CSMD1: variants seen among roughly 807,000 people sequenced by gnomAD.
CSMD1 encodes CUB and Sushi multiple domains 1.
Under a neutral mutation model 417.5 loss-of-function variants are expected in CSMD1, and 213 were observed. The observed-to-expected ratio is 0.51, with a 90% confidence interval of 0.46 to 0.57. The LOEUF is 0.57. Ranked by LOEUF, CSMD1 falls within the 20% of genes least tolerant of loss-of-function variation. CSMD1 has a pLI of 0.00. For missense variants in CSMD1, 6,923 were observed against 4,529.7 expected (o/e 1.53, Z -15.17); for synonymous variants, 2,862 against 1,736.8 (o/e 1.65, Z -16.11).
intron 54 of CSMD1, among the ~76,000 whole-genome samples, chr8:2,995,667 A>T (rs1342628248): frequency 6.6e-6 from 1 of 152,180 alleles, no homozygotes. Flanking sequence ...CAATGGGTAA[A>T]TGGTGAAAAA....
chr8:3,997,007 C>T (rs1185310626), intron 5 of CSMD1, among the ~76,000 whole-genome samples: 2 of 152,146 alleles, frequency 1.3e-5, no homozygotes, highest in South Asian at 4.1e-4. Context: ...TTCCATATTC[C>T]CCTCTTCCTA....
intron 5 of CSMD1, among the ~76,000 whole-genome samples, chr8:3,912,548 T>G (rs1808531740): frequency 6.6e-6 from 1 of 152,170 alleles, no homozygotes; most frequent in South Asian, 2.1e-4. Context: ...TAATCTTAGC[T>G]TCTCTGCCAA....
chr8:4,015,350 TC>T (rs1400046615), intron 4 of CSMD1, among the ~76,000 whole-genome samples: 2 of 152,160 alleles, frequency 1.3e-5, no homozygotes, highest in African/African-American at 4.8e-5. Flanking sequence ...GCTATGTCGT[TC>T]CTAGTTTTCC....
At chr8:4,913,341 C>G (rs927052061) in intron 1 of CSMD1, among the ~76,000 whole-genome samples, 17 of 152,182 alleles carry the variant, frequency 1.1e-4, no homozygotes, top group East Asian at 1.9e-4. Flanking sequence ...TACAGCCTCA[C>G]CTCTGTCCCT....
intron 7 of CSMD1, among the ~76,000 whole-genome samples, chr8:3,675,289 G>A (rs552204970): frequency 2.0e-5 from 3 of 152,178 alleles, no homozygotes; most frequent in Admixed American, 6.5e-5. Flanking sequence ...CTCCTGGAGG[G>A]TTGGCAGCAC....
intron 4 of CSMD1, among the ~76,000 whole-genome samples, chr8:4,024,490 C>G (rs1417762484): frequency 2.0e-5 from 3 of 152,204 alleles, no homozygotes; most frequent in Non-Finnish European, 4.4e-5. Context: ...ACCACCCAAA[C>G]TATAGCTGAC....
intron 1 of CSMD1, among the ~76,000 whole-genome samples, chr8:4,933,510 C>T (rs954383148): frequency 1.2e-4 from 18 of 152,170 alleles, no homozygotes; most frequent in Non-Finnish European, 2.4e-4. Flanking sequence ...CCAGCAGTTG[C>T]TCTGTGACTT....
chr8:3,611,071 GC>G (rs1563198109), intron 8 of CSMD1, among the ~76,000 whole-genome samples: 1 of 117,382 alleles, frequency 8.5e-6, no homozygotes, highest in African/African-American at 3.3e-5. Flanking sequence ...ATCACACTCT[GC>G]GAACTGTTGT....
Position 4,008,552 on chromosome 8 carries a change from G to T in CSMD1, c.611-10442C>A, listed in dbSNP as rs138593746. Among the ~76,000 whole-genome samples, 41 of 125,806 alleles carry T rather than the reference G, an allele frequency of 3.3e-4. No individual in the cohort carries two copies. In the East Asian group the frequency reaches 0.01, roughly 32 times the overall value. 82.5% of individuals were successfully genotyped at this position (125,806 alleles called of 152,430 possible). A position where few individuals can be genotyped will look rare whatever the true frequency, so the allele number is the denominator to read the frequency against. On this transcript the variant is annotated intron_variant, in intron 4 of 69. Transcript: ENST00000635120. ...GAAAGTTACAGATAAATACTTGATT[G>T]TTAAAGTTAGCACACAACACATGAT...
chr8:3,800,318 C>G (rs969145370), intron 5 of CSMD1, among the ~76,000 whole-genome samples: 10 of 152,004 alleles, frequency 6.6e-5, no homozygotes, highest in Admixed American at 1.3e-4. Context: ...AATCACATAC[C>G]TTAATTTTAT....
At position 4,788,298 on chromosome 8, in the gene CSMD1, G is replaced by T. The variant is rs969801102; in HGVS notation, c.86-150740C>A. On this transcript the variant is annotated intron_variant, in intron 1 of 69. Transcript: ENST00000635120. Reference sequence around the variant, plus strand: ...TCCTACTGTATTTGTGGCAGTGGCAGGCAGAAGTAATGGTTTGGGACCAGT... The same window carrying T: ...TCCTACTGTATTTGTGGCAGTGGCATGCAGAAGTAATGGTTTGGGACCAGT... 7 of 1,584,964 alleles carry T rather than the reference G, an allele frequency of 4.4e-6. No homozygotes were observed. The African/African-American group carries it at 5.4e-5, about 12-fold the overall frequency.
chr8:4,621,969 T>C (rs1373076089), intron 2 of CSMD1, among the ~76,000 whole-genome samples: 1 of 151,234 alleles, frequency 6.6e-6, no homozygotes, highest in Non-Finnish European at 1.5e-5. Flanking sequence ...TATGAAAAAA[T>C]TACATACTTA....
At chr8:3,364,067 A>G (rs1324279573) in intron 20 of CSMD1, among the ~76,000 whole-genome samples, 1 of 152,212 alleles carries the variant, frequency 6.6e-6, no homozygotes, top group Non-Finnish European at 1.5e-5. Flanking sequence ...CAGATATAAA[A>G]GCATATGAAT....
intron 6 of CSMD1, among the ~76,000 whole-genome samples, chr8:3,739,864 G>C (rs1486148632): frequency 6.6e-6 from 1 of 152,124 alleles, no homozygotes; most frequent in East Asian, 1.9e-4. Context: ...AAAAAGCAGG[G>C]AAGTTGAAGA....
intron 3 of CSMD1, among the ~76,000 whole-genome samples, chr8:4,046,733 T>G (rs1027609954): frequency 2.6e-5 from 4 of 152,170 alleles, no homozygotes; most frequent in Non-Finnish European, 5.9e-5. Context: ...TGATTTAAAC[T>G]TTTTTTCTGT....
intron 1 of CSMD1, among the ~76,000 whole-genome samples, chr8:4,935,493 A>G (rs540860386): frequency 1.3e-5 from 2 of 152,362 alleles, no homozygotes; most frequent in Non-Finnish European, 2.9e-5. Flanking sequence ...GTGTGAATCC[A>G]TTAAGCCATG....
At chr8:4,822,077 G>A (rs577644134) in intron 1 of CSMD1, among the ~76,000 whole-genome samples, 2 of 151,136 alleles carry the variant, frequency 1.3e-5, no homozygotes, top group South Asian at 2.1e-4. Context: ...CTTTCTTTTC[G>A]GGTTCAGTAA....
intron 1 of CSMD1, among the ~76,000 whole-genome samples, chr8:4,689,083 C>T (rs908076960): frequency 6.6e-6 from 1 of 152,140 alleles, no homozygotes. Flanking sequence ...TACATTTGCA[C>T]CTGTATTGAT....
chr8:3,238,986 C>G (rs1263353720), intron 26 of CSMD1, among the ~76,000 whole-genome samples: 1 of 151,960 alleles, frequency 6.6e-6, no homozygotes, highest in Admixed American at 6.6e-5. Context: ...TTTTGGGGCA[C>G]AGTCAAAGTT....
Sources: gnomAD v4.1 joint callset for allele counts (sites outside exome capture counted in the v4.1 genomes callset) on GRCh38, gnomAD v4.1.1 for gene constraint, MANE v1.5 for transcripts, NCBI Gene and HGNC (gene_info 2026-07-23, HGNC 2026-07-21) for gene names.